ESYT3: variants seen among roughly 807,000 people sequenced by gnomAD.
The protein encoded by ESYT3 is extended synaptotagmin 3.
ESYT3 carries 101 observed loss-of-function variants against 111.5 expected under a neutral mutation model. That is an observed-to-expected ratio of 0.91 (90% confidence interval 0.77 to 1.07). The LOEUF (loss-of-function observed/expected upper bound fraction) is 1.07, where lower values mean the gene tolerates loss of function less well. Ranked by LOEUF, ESYT3 falls within the 50% of genes least tolerant of loss-of-function variation. The pLI is 0.00. For synonymous variants in ESYT3, 416 were observed against 446.8 expected (o/e 0.93, Z 0.87); for missense variants, 1,097 against 1,109.4 (o/e 0.99, Z 0.16).
rs147569194 is a variant in ESYT3, at chr3:138,437,698, C to A, written c.327+2573C>A. The stretch of plus-strand genomic sequence containing the variant: ...GACGAGGAAGGCTGGAGGAGACAGG[C>A]CAGTTGGGAAGGTGATTTCAGCCAA... On this transcript the variant is annotated intron_variant, in intron 1 of 22. Transcript: ENST00000389567. Among the ~76,000 whole-genome samples, 509 of 152,062 alleles carry A rather than the reference C, an allele frequency of 3.3e-3. 1 individual carries two copies. The highest frequency in any genetic ancestry group is 0.012 in the African/African-American group (477 of 41,458).
rs1052916378 is a variant in ESYT3, at chr3:138,440,170, A to T, written c.327+5045A>T. 5.3e-5 allele frequency among the ~76,000 whole-genome samples: 8 copies of T among 152,268 alleles called. No individual in the cohort carries two copies. The highest frequency in any genetic ancestry group is 1.9e-4 in the African/African-American group (8 of 41,554). Reference sequence around the variant, plus strand: ...CTCGCTGCCTTTCATGCCTGTCCCCATCTAACTGGGTGCGCACTGGGGCTG... The same window carrying T: ...CTCGCTGCCTTTCATGCCTGTCCCCTTCTAACTGGGTGCGCACTGGGGCTG... On this transcript the variant is annotated intron_variant, in intron 1 of 22. Coordinates refer to ENST00000389567, the MANE Select transcript of ESYT3 (RefSeq NM_031913.5). The surrounding 1 kb of genome is among the most constrained non-coding windows in gnomAD (Gnocchi z 4.2).
chr3:138,459,231 A>G lies in ESYT3; in HGVS notation c.626A>G (p.Gln209Arg). Residue 209 changes from glutamine (Q) to arginine (R), a missense_variant, in exon 5 of 23, where the codon CAG (glutamine) becomes CGG (arginine). Gln to Arg is a conservative substitution (Grantham distance 43). Coordinates refer to ENST00000389567, the MANE Select transcript of ESYT3 (RefSeq NM_031913.5). Reference sequence around the variant, plus strand: ...ATCAGTGTGGAGCTGCAGAAGATTCAGGCTGGTGTGAACGGGATCCAGGTG... The same window carrying G: ...ATCAGTGTGGAGCTGCAGAAGATTCGGGCTGGTGTGAACGGGATCCAGGTG... ...CEISVELQKI[Q>R]AGVNGIQLQG... 6.4e-7 allele frequency: 1 copy of G among 1,561,384 alleles called. No individual in the cohort carries two copies. The highest frequency in any genetic ancestry group is 8.7e-7 in the Non-Finnish European group (1 of 1,147,254).
intron 2 of ESYT3, among the ~76,000 whole-genome samples, chr3:138,454,555 T>C (rs1342377231): frequency 1.3e-5 from 2 of 152,080 alleles, no homozygotes; most frequent in African/African-American, 4.8e-5. Context: ...GAAACTCCGT[T>C]TGAGAAAAAA....
chr3:138,466,751 A>G (rs936338621), intron 10 of ESYT3, among the ~76,000 whole-genome samples: 1 of 152,200 alleles, frequency 6.6e-6, no homozygotes, highest in Non-Finnish European at 1.5e-5. Context: ...CAGGTAATTT[A>G]TAAAGAAAAG....
chr3:138,472,257 G>A, intron 17 of ESYT3, 106 bp from the exon 18 acceptor site: 2 of 1,423,342 alleles, frequency 1.4e-6, no homozygotes, highest in Non-Finnish European at 1.9e-6. Context: ...TCCCTAGGAA[G>A]GGTCTTTATA....
chr3:138,446,675 A>G (rs982628143), intron 1 of ESYT3, among the ~76,000 whole-genome samples: 3 of 152,152 alleles, frequency 2.0e-5, no homozygotes, highest in South Asian at 2.1e-4. Context: ...GGATGGTTTG[A>G]GCCCAGGAGT....
Position 138,477,633 on chromosome 3 carries a change from G to A in ESYT3, c.*779G>A. 6.6e-6 allele frequency: 1 copy of A among 152,206 alleles called. No homozygotes were observed. The highest frequency in any genetic ancestry group is 1.9e-4 in the East Asian group (1 of 5,198). 9.4% of individuals were successfully genotyped at this position (152,206 alleles called of 1,614,324 possible). A position where few individuals can be genotyped will look rare whatever the true frequency, so the allele number is the denominator to read the frequency against. Reference sequence around the variant, plus strand: ...AAAGCACTGGAGACTGCTGAAGAGTGTCACCATCAGAGAAAAGGAAGCTTT... The same window carrying A: ...AAAGCACTGGAGACTGCTGAAGAGTATCACCATCAGAGAAAAGGAAGCTTT... On this transcript the variant is annotated 3_prime_UTR_variant, in exon 23 of 23. Coordinates refer to ENST00000389567, the MANE Select transcript of ESYT3 (RefSeq NM_031913.5).
At chr3:138,474,639 A>G (rs2033402122) in intron 20 of ESYT3, 2 of 248,978 alleles carry the variant, frequency 8.0e-6, no homozygotes, top group Non-Finnish European at 1.5e-5. Context: ...GGTAGTAAAA[A>G]GATTTGAATG....
chr3:138,456,020 G>A (rs2032256591), intron 3 of ESYT3, among the ~76,000 whole-genome samples: 2 of 152,308 alleles, frequency 1.3e-5, no homozygotes, highest in African/African-American at 2.4e-5. Flanking sequence ...ACTGGCATCC[G>A]GTCTTCCCAG....
At chr3:138,458,607 T>G (rs992920937) in intron 4 of ESYT3, among the ~76,000 whole-genome samples, 1 of 152,250 alleles carries the variant, frequency 6.6e-6, no homozygotes, top group African/African-American at 2.4e-5. Flanking sequence ...GATCTGCTGA[T>G]CTTTACCCTC....
chr3:138,459,372 G>A, intron 5 of ESYT3, 119 bp downstream of exon 5: 1 of 730,430 alleles, frequency 1.4e-6, no homozygotes, highest in Non-Finnish European at 2.1e-6. Context: ...AAACACAGAG[G>A]ATGGTGACTA....
Position 138,438,100 on chromosome 3 carries a change from G to A in ESYT3, c.327+2975G>A, listed in dbSNP as rs7619127. Among the ~76,000 whole-genome samples the A allele has an allele frequency of 3.6e-3, 548 of 152,328 alleles. 5 individuals carry two copies. The highest frequency in any genetic ancestry group is 0.013 in the African/African-American group (533 of 41,570). ...AGACAGGGCTCTGGGCGTGGTGGGG[G>A]CAGCACGGCCCCTTGCACAAGATTT... On this transcript the variant is annotated intron_variant, in intron 1 of 22. Coordinates refer to ENST00000389567, the MANE Select transcript of ESYT3 (RefSeq NM_031913.5).
chr3:138,470,862 T>C lies in ESYT3; in HGVS notation c.1591-15T>C. The C allele has an allele frequency of 6.2e-7, 1 of 1,614,024 alleles. No homozygotes were observed. On this transcript the variant is annotated splice_polypyrimidine_tract_variant and intron_variant, in intron 16 of 22. Coordinates refer to ENST00000389567, the MANE Select transcript of ESYT3 (RefSeq NM_031913.5). ...CTTGGTTATCCTCTTGTTTTGTGAC[T>C]GGACCACTGCCCAGGTGCTTGATGA... is the stretch of plus-strand genomic sequence containing the variant.
At position 138,474,202 on chromosome 3, in the gene ESYT3, G is replaced by A. The variant is rs188112004; in HGVS notation, c.2337-19G>A. 31 of 1,468,096 alleles carry A rather than the reference G, an allele frequency of 2.1e-5. No individual in the cohort carries two copies. The East Asian group carries it at 7.1e-4, about 33-fold the overall frequency. The allele number at this position is 1,468,096 out of a possible 1,614,324, so 90.9% of individuals were successfully genotyped here. A position where few individuals can be genotyped will look rare whatever the true frequency, so the allele number is the denominator to read the frequency against. On this transcript the variant is annotated intron_variant, in intron 19 of 22. Transcript: ENST00000389567. The stretch of plus-strand genomic sequence containing the variant: ...AGGGCCCTTTTTTTTTTTTCCTAAT[G>A]TCTTTGACACCAAATCAGAAACCTA...
At position 138,459,886 on chromosome 3, in the gene ESYT3, C is replaced by A. The variant is rs369097151; in HGVS notation, c.649-59C>A. 38 of 1,507,058 alleles carry A rather than the reference C, an allele frequency of 2.5e-5. No individual in the cohort carries two copies. The African/African-American group carries it at 5.1e-4, about 20-fold the overall frequency. The allele number at this position is 1,507,058 out of a possible 1,614,324, so 93.4% of individuals were successfully genotyped here. A position where few individuals can be genotyped will look rare whatever the true frequency, so the allele number is the denominator to read the frequency against. On this transcript the variant is annotated intron_variant, in intron 5 of 22. Transcript: ENST00000389567. The stretch of plus-strand genomic sequence containing the variant: ...GGCAGCAGATGGCCTCAGCTGAGCC[C>A]AGCAGGCATGGGGAGAAAGTAGGCC...
In ESYT3 at chr3:138,457,582, C is replaced by T. The variant is rs1457458897; in HGVS notation, c.519C>T (p.Asn173=). 8.7e-6 allele frequency: 14 copies of T among 1,613,984 alleles called. No homozygotes were observed. Among genetic ancestry groups the T allele is most frequent in the Admixed American group, 1.7e-5 (1 of 60,006 alleles). ...LYFGQKCPRV[N]GVKAHTNTCN... ...ATTTCTTCCAGTGTCCCAGGGTCAA[C>T]GGTGTCAAGGCACACACTAATACGT... Residue 173 remains asparagine, a synonymous_variant, in exon 4 of 23, where the codon AAC becomes AAT. Transcript: ENST00000389567.
In ESYT3 at chr3:138,474,101, T is replaced by C. The variant is rs552599965; in HGVS notation, c.2337-120T>C. Reference sequence around the variant, plus strand: ...CGTATCTAATGCTGAATGGCTAATATAGCCTTCTCTCAAATGTTTGAAGTG... The same window carrying C: ...CGTATCTAATGCTGAATGGCTAATACAGCCTTCTCTCAAATGTTTGAAGTG... On this transcript the variant is annotated intron_variant, in intron 19 of 22. Transcript: ENST00000389567. 5.0e-5 allele frequency: 66 copies of C among 1,331,432 alleles called. 2 individuals are homozygous for C. The South Asian group carries it at 8.4e-4, about 17-fold the overall frequency. 82.5% of individuals were successfully genotyped at this position (1,331,432 alleles called of 1,614,324 possible). A position where few individuals can be genotyped will look rare whatever the true frequency, so the allele number is the denominator to read the frequency against.
At position 138,440,538 on chromosome 3, in the gene ESYT3, T is replaced by G. The variant is rs2031068216; in HGVS notation, c.327+5413T>G. Among the ~76,000 whole-genome samples the G allele has an allele frequency of 6.6e-6, 1 of 152,212 alleles. No homozygotes were observed. Among genetic ancestry groups the G allele is most frequent in the South Asian group, 2.1e-4 (1 of 4,836 alleles). On this transcript the variant is annotated intron_variant, in intron 1 of 22. Coordinates refer to ENST00000389567, the MANE Select transcript of ESYT3 (RefSeq NM_031913.5). This position sits in a 1 kb window ranked among gnomAD's most constrained non-coding sequence, Gnocchi z 4.2. The stretch of plus-strand genomic sequence containing the variant: ...TGCTTGGAGCCAGGGCCGTGGAACC[T>G]GATTTTAAACATCAGGACTGGTTGG...
At chr3:138,468,250 A>G (rs12635490) in intron 12 of ESYT3, 56 bp downstream of exon 12, 69,152 of 1,495,506 alleles carry the variant, frequency 0.046, 4,986 homozygotes, top group East Asian at 0.37. Flanking sequence ...CACACGTGCC[A>G]GGTGTGTGCA....
Sources: allele counts gnomAD v4.1 joint callset (sites outside exome capture counted in the v4.1 genomes callset), GRCh38; gene constraint gnomAD v4.1.1; non-coding constraint Gnocchi (gnomAD v3.1); transcripts MANE v1.5; gene names NCBI Gene and HGNC (gene_info 2026-07-23, HGNC 2026-07-21).